The following NUFIP2 variants were observed in gnomAD, a reference collection of about 807,000 sequenced individuals.
The protein encoded by NUFIP2 is FMR1-interacting protein NUFIP2.
NUFIP2 carries 6 observed loss-of-function variants against 56.9 expected under a neutral mutation model. The observed-to-expected ratio is 0.11, with a 90% CI of 0.06 to 0.21. The LOEUF (loss-of-function observed/expected upper bound fraction) is 0.21, where lower values mean the gene tolerates loss of function less well. Ranked by LOEUF, NUFIP2 falls within the 10% of genes least tolerant of loss-of-function variation. The probability of loss-of-function intolerance (pLI) is 1.00; values close to 1 mark genes in which losing one functional copy is unlikely to be tolerated. For missense variants in NUFIP2, 828 were observed against 826.8 expected, an observed-to-expected ratio of 1.00 and a Z score of -0.02; for synonymous variants, 321 against 298.2, an observed-to-expected ratio of 1.08 and a Z score of -0.79.
chr17:29,261,413 AAC>A lies in NUFIP2; in HGVS notation c.*3124_*3125del, dbSNP rs71986075. On this transcript the variant is annotated 3_prime_UTR_variant, in exon 4 of 4. Transcript: ENST00000225388. ...TCACACACACATACATACATACATA[AAC>A]ACACACACACACACACACCCCTTTT... 20,539 of 127,502 alleles carry A rather than the reference AAC, an allele frequency of 0.16. 1,594 individuals carry two copies. Among genetic ancestry groups the A allele is most frequent in the East Asian group, 0.32 (1,535 of 4,870 alleles). The allele number at this position is 127,502 out of a possible 1,614,324, so 7.9% of individuals were successfully genotyped here.
intron 2 of NUFIP2, among the ~76,000 whole-genome samples, chr17:29,278,309 C>G (rs371029731): frequency 2.4e-4 from 37 of 151,912 alleles, no homozygotes; most frequent in African/African-American, 8.4e-4. Flanking sequence ...TGCAGTGGCG[C>G]GATCTCGGCT....
chr17:29,274,201 T>A (rs1457255358), intron 2 of NUFIP2, among the ~76,000 whole-genome samples: 2 of 152,194 alleles, frequency 1.3e-5, no homozygotes. Flanking sequence ...AAAGTTTTAA[T>A]GAGGGCCTGT....
At position 29,259,044 on chromosome 17, in the gene NUFIP2, A is replaced by G. The variant is rs923607119; in HGVS notation, c.*5495T>C. ...TTTACATATTAAAACCACTTTTGTT[A>G]ACACCAAATCTTTACATCTAGCAAA... On this transcript the variant is annotated 3_prime_UTR_variant, in exon 4 of 4. Coordinates refer to ENST00000225388, the MANE Select transcript of NUFIP2 (RefSeq NM_020772.3). 1 of 152,216 alleles carries G rather than the reference A, an allele frequency of 6.6e-6. No homozygotes were observed. Among genetic ancestry groups the G allele is most frequent in the Non-Finnish European group, 1.5e-5 (1 of 68,032 alleles). 9.4% of individuals were successfully genotyped at this position (152,216 alleles called of 1,614,324 possible). A position where few individuals can be genotyped will look rare whatever the true frequency, so the allele number is the denominator to read the frequency against.
intron 2 of NUFIP2, among the ~76,000 whole-genome samples, chr17:29,273,935 GTTGA>G (rs2069091775): frequency 6.6e-6 from 1 of 151,386 alleles, no homozygotes; most frequent in African/African-American, 2.4e-5. Flanking sequence ...TTAATTCCAA[GTTGA>G]TTGAAAAAAA....
intron 1 of NUFIP2, among the ~76,000 whole-genome samples, chr17:29,291,797 C>T (rs1481004764): frequency 6.6e-6 from 1 of 152,190 alleles, no homozygotes; most frequent in Non-Finnish European, 1.5e-5. Context: ...TTAAACTGTT[C>T]CAAATCTTTA....
At chr17:29,272,262 CA>C (rs1293986232) in intron 2 of NUFIP2, among the ~76,000 whole-genome samples, 3 of 132,336 alleles carry the variant, frequency 2.3e-5, no homozygotes, top group African/African-American at 8.4e-5. Flanking sequence ...TTTTTTGAGA[CA>C]AGAGTCTTGC....
At chr17:29,275,131 G>GCCTCAGCC (rs1435104178) in intron 2 of NUFIP2, among the ~76,000 whole-genome samples, 1 of 151,814 alleles carries the variant, frequency 6.6e-6, no homozygotes, top group African/African-American at 2.4e-5. Context: ...CAATTCTCCT[G>GCCTCAGCC]CCTCAGCCCC....
At chr17:29,288,503 A>T (rs532229398) in intron 1 of NUFIP2, among the ~76,000 whole-genome samples, 9 of 152,360 alleles carry the variant, frequency 5.9e-5, no homozygotes, top group African/African-American at 2.2e-4. Context: ...TATCAGACAA[A>T]TATCTAACAC....
intron 3 of NUFIP2, 125 bp from the exon 4 acceptor site, chr17:29,264,716 C>T (rs1201002881): frequency 1.1e-5 from 6 of 562,818 alleles, no homozygotes; most frequent in Non-Finnish European, 1.6e-5. Flanking sequence ...AAACTTCAAG[C>T]CCATTTCCTC....
At position 29,259,825 on chromosome 17, in the gene NUFIP2, T is replaced by C. The variant is rs886867396; in HGVS notation, c.*4714A>G. 6.6e-6 allele frequency: 1 copy of C among 152,174 alleles called. No individual in the cohort carries two copies. Among genetic ancestry groups the C allele is most frequent in the Non-Finnish European group, 1.5e-5 (1 of 68,030 alleles). The allele number at this position is 152,174 out of a possible 1,614,324, so 9.4% of individuals were successfully genotyped here. On this transcript the variant is annotated 3_prime_UTR_variant, in exon 4 of 4. Coordinates refer to ENST00000225388, the MANE Select transcript of NUFIP2 (RefSeq NM_020772.3). ...ACAACCGAAAATTCTATTCGCACTA[T>C]TGCTGGCATCCTTTAACTACTTTAA...
Position 29,263,374 on chromosome 17 carries a change from G to C in NUFIP2, c.*1165C>G, listed in dbSNP as rs2069015249. ...TCTAGTAATAAAATATATTTATTAA[G>C]ATATAATTAGAAGCTAACAAGCTCA... On this transcript the variant is annotated 3_prime_UTR_variant, in exon 4 of 4. Coordinates refer to ENST00000225388, the MANE Select transcript of NUFIP2 (RefSeq NM_020772.3). 2.0e-5 allele frequency: 3 copies of C among 152,610 alleles called. No individual in the cohort carries two copies. Among genetic ancestry groups the C allele is most frequent in the Admixed American group, 1.3e-4 (2 of 15,286 alleles). The allele number at this position is 152,610 out of a possible 1,614,324, so 9.5% of individuals were successfully genotyped here.
chr17:29,266,205 G>A (rs1163197032), intron 3 of NUFIP2, among the ~76,000 whole-genome samples: 1 of 152,128 alleles, frequency 6.6e-6, no homozygotes, highest in Non-Finnish European at 1.5e-5. Flanking sequence ...AACCTCAGGT[G>A]ATCCACCTGC....
chr17:29,274,502 G>A (rs2069095608), intron 2 of NUFIP2, among the ~76,000 whole-genome samples: 1 of 152,146 alleles, frequency 6.6e-6, no homozygotes, highest in African/African-American at 2.4e-5. Context: ...AGTTTTAATT[G>A]AACACAGCCA....
intron 2 of NUFIP2, among the ~76,000 whole-genome samples, chr17:29,271,551 A>T (rs1466517677): frequency 1.3e-5 from 2 of 151,784 alleles, no homozygotes; most frequent in Non-Finnish European, 2.9e-5. Flanking sequence ...AAAAAAAAAG[A>T]AAAGTAAAGA....
chr17:29,279,081 T>C (rs1171814971), intron 2 of NUFIP2, among the ~76,000 whole-genome samples: 1 of 152,222 alleles, frequency 6.6e-6, no homozygotes, highest in Non-Finnish European at 1.5e-5. Context: ...ATAAGATTAT[T>C]AGAAAGACAG....
At chr17:29,270,830 A>G (rs1031486878) in intron 2 of NUFIP2, among the ~76,000 whole-genome samples, 13 of 151,970 alleles carry the variant, frequency 8.6e-5, no homozygotes, top group Non-Finnish European at 1.9e-4. Flanking sequence ...AAGAAAAAAG[A>G]AAGAAAAGAA....
At chr17:29,283,198 C>T (rs2069150755) in intron 2 of NUFIP2, among the ~76,000 whole-genome samples, 1 of 152,192 alleles carries the variant, frequency 6.6e-6, no homozygotes, top group African/African-American at 2.4e-5. Context: ...ATTTCATATT[C>T]AGCTAGCCCA....
At position 29,287,420 on chromosome 17, in the gene NUFIP2, T is replaced by C; in HGVS notation, c.574A>G (p.Thr192Ala). The change falls in exon 2 of 4, where the codon ACA becomes GCA. Residue 192 changes from threonine to alanine, a missense_variant. Physicochemically the swap from Thr to Ala is moderately conservative, Grantham distance 58. Coordinates refer to ENST00000225388, the MANE Select transcript of NUFIP2 (RefSeq NM_020772.3). The stretch of plus-strand genomic sequence containing the variant: ...TTAGTAATATAACCAGAATTATTTG[T>C]TACCACACCATTTGGAATTGGTATA... ...DTIPIPNGVV[T>A]NNSGYITNGY... The C allele has an allele frequency of 3.1e-6, 5 of 1,614,064 alleles. No homozygotes were observed. The highest frequency in any genetic ancestry group is 4.2e-6 in the Non-Finnish European group (5 of 1,179,900).
At chr17:29,292,317 A>G (rs2069219380) in intron 1 of NUFIP2, among the ~76,000 whole-genome samples, 1 of 152,016 alleles carries the variant, frequency 6.6e-6, no homozygotes, top group Non-Finnish European at 1.5e-5. Flanking sequence ...TCCCCATCCT[A>G]ACATTTTTTA....
Sources: gnomAD v4.1 joint callset for allele counts (sites outside exome capture counted in the v4.1 genomes callset) on GRCh38, gnomAD v4.1.1 for gene constraint, MANE v1.5 for transcripts, NCBI Gene and HGNC (gene_info 2026-07-23, HGNC 2026-07-21) for gene names.